The following PRKACB variants were observed in gnomAD, a reference collection of about 807,000 sequenced individuals.
PRKACB encodes protein kinase cAMP-activated catalytic subunit beta.
PRKACB carries 16 observed loss-of-function variants against 51.4 expected under a neutral mutation model. That is an observed-to-expected ratio of 0.31 (90% CI 0.21 to 0.47). The LOEUF (loss-of-function observed/expected upper bound fraction) is 0.47. Ranked by LOEUF, PRKACB falls within the 20% of genes least tolerant of loss-of-function variation. PRKACB has a pLI of 1.00. For missense variants in PRKACB, 309 were observed against 464.5 expected (o/e 0.67, Z 3.08); for synonymous variants, 147 against 154.4 (o/e 0.95, Z 0.35).
chr1:84,147,591 C>A (rs991149868), intron 1 of PRKACB, among the ~76,000 whole-genome samples: 1 of 151,866 alleles, frequency 6.6e-6, no homozygotes, highest in Non-Finnish European at 1.5e-5. Context: ...AAAAGAAGAG[C>A]AAACATAATA....
chr1:84,141,281 A>C (rs1181464623), upstream of PRKACB, among the ~76,000 whole-genome samples: 2 of 152,132 alleles, frequency 1.3e-5, no homozygotes, highest in African/African-American at 4.8e-5. Flanking sequence ...GCTAGGAAGA[A>C]TAACAAGCAA....
chr1:84,127,216 C>G (rs1231151672), intron 1 of PRKACB, among the ~76,000 whole-genome samples: 1 of 152,002 alleles, frequency 6.6e-6, no homozygotes, highest in Non-Finnish European at 1.5e-5. Flanking sequence ...GGAGGAAGAC[C>G]AAAGAGTAGA....
chr1:84,153,946 A>G (rs1378948908), intron 1 of PRKACB, among the ~76,000 whole-genome samples: 1 of 152,154 alleles, frequency 6.6e-6, no homozygotes, highest in Non-Finnish European at 1.5e-5. Flanking sequence ...GATCCTTCAT[A>G]TCATTTTCCA....
At chr1:84,080,812 C>G (rs1647474929) in intron 1 of PRKACB, among the ~76,000 whole-genome samples, 1 of 150,982 alleles carries the variant, frequency 6.6e-6, no homozygotes, top group Admixed American at 6.6e-5. Context: ...GAGTTGAGAT[C>G]ATACTGTTAG....
intron 1 of PRKACB, among the ~76,000 whole-genome samples, chr1:84,109,706 T>C (rs1650061321): frequency 6.6e-6 from 1 of 151,906 alleles, no homozygotes; most frequent in African/African-American, 2.4e-5. Flanking sequence ...AGATAGCCTC[T>C]CATATTTTTA....
rs111737602 is a variant in PRKACB, at chr1:84,116,437, A to G, written c.46+38066A>G. Among the ~76,000 whole-genome samples, 638 of 152,250 alleles carry G rather than the reference A, an allele frequency of 4.2e-3. 4 individuals are homozygous for G. The highest frequency in any genetic ancestry group is 0.015 in the African/African-American group (604 of 41,554). ...GAGTCTGTAGATTGCTTTGGGAAGT[A>G]TGGTCATTTTTAACAGTACTAATTC... is the stretch of plus-strand genomic sequence containing the variant. On this transcript the variant is annotated intron_variant, in intron 1 of 8. Transcript: ENST00000370688.
At chr1:84,123,960 G>T (rs1651319050) in intron 1 of PRKACB, among the ~76,000 whole-genome samples, 1 of 152,082 alleles carries the variant, frequency 6.6e-6, no homozygotes, top group Non-Finnish European at 1.5e-5. Flanking sequence ...GACTGGAAAT[G>T]CATAGCTCCC....
At chr1:84,200,233 A>G (rs1185273290) in intron 7 of PRKACB, among the ~76,000 whole-genome samples, 1 of 152,010 alleles carries the variant, frequency 6.6e-6, no homozygotes, top group African/African-American at 2.4e-5. Context: ...TTCTCTAATG[A>G]TCGGTGATAT....
intron 1 of PRKACB, among the ~76,000 whole-genome samples, chr1:84,144,989 A>G (rs1486389179): frequency 1.3e-5 from 2 of 152,146 alleles, no homozygotes; most frequent in African/African-American, 4.8e-5. Flanking sequence ...TTATTTTTAA[A>G]TGCATGTGAG....
At chr1:84,172,805 A>T (rs1265571808) in intron 1 of PRKACB, among the ~76,000 whole-genome samples, 1 of 151,698 alleles carries the variant, frequency 6.6e-6, no homozygotes, top group Non-Finnish European at 1.5e-5. Flanking sequence ...AGTAAAATAA[A>T]TTTTGTAATA....
At chr1:84,165,611 G>T (rs910353176) in intron 1 of PRKACB, among the ~76,000 whole-genome samples, 4 of 151,658 alleles carry the variant, frequency 2.6e-5, no homozygotes, top group Non-Finnish European at 4.4e-5. Flanking sequence ...TTTAGAATAA[G>T]TACACTTGTG....
At chr1:84,146,183 T>C (rs922523137) in intron 1 of PRKACB, among the ~76,000 whole-genome samples, 3 of 151,832 alleles carry the variant, frequency 2.0e-5, no homozygotes, top group African/African-American at 7.2e-5. Flanking sequence ...AATAGGATTC[T>C]TGTACACAAA....
chr1:84,079,119 A>G (rs1358951414), intron 1 of PRKACB, among the ~76,000 whole-genome samples: 1 of 148,866 alleles, frequency 6.7e-6, no homozygotes, highest in Non-Finnish European at 1.5e-5. Context: ...AAAATCATGA[A>G]AATGGAATTT....
intron 1 of PRKACB, among the ~76,000 whole-genome samples, chr1:84,106,153 G>A (rs892503548): frequency 3.3e-5 from 5 of 151,950 alleles, no homozygotes; most frequent in African/African-American, 9.7e-5. Context: ...ATCCAGAGGC[G>A]CCCTGGAACC....
At chr1:84,223,738 T>A (rs1352171827) in intron 9 of PRKACB, among the ~76,000 whole-genome samples, 1 of 152,202 alleles carries the variant, frequency 6.6e-6, no homozygotes, top group Non-Finnish European at 1.5e-5. Flanking sequence ...TTTCCTGATG[T>A]CTTTGTATTG....
At position 84,225,785 on chromosome 1, in the gene PRKACB, C is replaced by G. The variant is rs78853332; in HGVS notation, c.1072-9395C>G. ...GAAATGTGGACCACTGGGGATCTCTCAGTTACCCTTTCCCCATACTGGAGA... is the reference window on the plus strand; with the variant it reads ...GAAATGTGGACCACTGGGGATCTCTGAGTTACCCTTTCCCCATACTGGAGA... On this transcript the variant is annotated intron_variant, in intron 9 of 9. Transcript: ENST00000370685. Among the ~76,000 whole-genome samples the G allele has an allele frequency of 2.6e-3, 389 of 152,282 alleles. 10 individuals carry two copies. In the East Asian group the frequency reaches 0.067, roughly 26 times the overall value.
upstream of PRKACB, chr1:84,144,232 C>T: frequency 6.8e-7 from 1 of 1,461,484 alleles, no homozygotes; most frequent in Non-Finnish European, 9.0e-7. Flanking sequence ...AACAGAACAG[C>T]AGTAGTGGTT....
chr1:84,124,796 G>A (rs1651418300), intron 1 of PRKACB, among the ~76,000 whole-genome samples: 1 of 152,140 alleles, frequency 6.6e-6, no homozygotes. Context: ...TGGAGATTTA[G>A]TTATGGGACT....
At chr1:84,214,613 C>T (rs1366018419) in intron 9 of PRKACB, among the ~76,000 whole-genome samples, 1 of 151,848 alleles carries the variant, frequency 6.6e-6, no homozygotes, top group Non-Finnish European at 1.5e-5. Context: ...CTGCTTCAGC[C>T]TCTCGAGTAG....
Sources: gnomAD v4.1 joint callset for allele counts (sites outside exome capture counted in the v4.1 genomes callset) on GRCh38, gnomAD v4.1.1 for gene constraint, MANE v1.5 for transcripts, NCBI Gene and HGNC (gene_info 2026-07-23, HGNC 2026-07-21) for gene names.